LYRM4: variants seen among roughly 807,000 people sequenced by gnomAD.
LYRM4 encodes LYR motif containing 4.
Under a neutral mutation model 11.7 loss-of-function variants are expected in LYRM4, and 9 were observed. The observed-to-expected ratio is 0.77, with a 90% CI of 0.46 to 1.34. LYRM4 has a LOEUF of 1.34. LYRM4 is among the 40% of genes most tolerant of loss of function. The probability of loss-of-function intolerance (pLI) is 0.00; values close to 1 mark genes in which losing one functional copy is unlikely to be tolerated. For synonymous variants in LYRM4, 42 were observed against 40.4 expected, an observed-to-expected ratio of 1.04 and a Z score of -0.15; for missense variants, 133 against 112.5, an observed-to-expected ratio of 1.18 and a Z score of -0.82.
intron 2 of LYRM4, chr6:5,113,147 AGGTGAG>A: frequency 3.8e-6 from 1 of 265,846 alleles, no homozygotes; most frequent in Admixed American, 5.2e-5. Flanking sequence ...GTAAGAGTGC[AGGTGAG>A]GATGGGTGCA....
chr6:5,044,063 G>A, the LYRM4 span, among the ~76,000 whole-genome samples: 5 of 152,000 alleles, frequency 3.3e-5, no homozygotes, highest in East Asian at 1.9e-4. Context: ...AATCCTCTCC[G>A]TTGGCCTTAG....
intron 2 of LYRM4, among the ~76,000 whole-genome samples, chr6:5,155,261 G>A (rs1167129953): frequency 1.3e-5 from 2 of 152,098 alleles, no homozygotes; most frequent in Non-Finnish European, 2.9e-5. Flanking sequence ...TGCATTTTTA[G>A]TAGAGACGGG....
intron 2 of LYRM4, among the ~76,000 whole-genome samples, chr6:5,185,896 A>G (rs181552818): frequency 6.6e-6 from 1 of 152,264 alleles, no homozygotes; most frequent in Non-Finnish European, 1.5e-5. Context: ...GAGGGCCAGC[A>G]GACGAGACTG....
rs562309572 is a variant in LYRM4, at chr6:5,207,040, T to C, written c.207+9578A>G. Among the ~76,000 whole-genome samples, 4 of 152,284 alleles carry C rather than the reference T, an allele frequency of 2.6e-5. No homozygotes were observed. The South Asian group carries it at 8.3e-4, about 32-fold the overall frequency. On this transcript the variant is annotated intron_variant, in intron 2 of 2. Transcript: ENST00000330636. ...GAAACACTGAGTGATGACATGACTT[T>C]AGACAGAGTCAATACCACGACCAAG... is the stretch of plus-strand genomic sequence containing the variant.
At chr6:5,078,214 G>A in the LYRM4 span, among the ~76,000 whole-genome samples, 1 of 151,682 alleles carries the variant, frequency 6.6e-6, no homozygotes, top group Non-Finnish European at 1.5e-5. Context: ...GTAAGAAGGT[G>A]GGATGGCCCC....
At chr6:5,047,499 T>C in the LYRM4 span, among the ~76,000 whole-genome samples, 1 of 152,240 alleles carries the variant, frequency 6.6e-6, no homozygotes. Flanking sequence ...TCTTTCTGGT[T>C]TGTATAGGAT....
chr6:5,188,872 T>G (rs571314727), intron 2 of LYRM4, among the ~76,000 whole-genome samples: 61 of 152,318 alleles, frequency 4.0e-4, no homozygotes, highest in South Asian at 1.5e-3. Context: ...CAAGGAATCC[T>G]CTCACCTCAG....
chr6:5,245,135 T>A lies in LYRM4; in HGVS notation c.86+15513A>T, dbSNP rs866270941. Among the ~76,000 whole-genome samples the A allele has an allele frequency of 5.2e-4, 40 of 77,284 alleles. 1 individual carries two copies. The highest frequency in any genetic ancestry group is 1.2e-3 in the African/African-American group (23 of 19,326). 50.7% of individuals were successfully genotyped at this position (77,284 alleles called of 152,430 possible). On this transcript the variant is annotated intron_variant, in intron 1 of 2. Transcript: ENST00000330636. ...AAAAATATATATATATATATATATA[T>A]ATATATATATATATATATATATATA...
At chr6:5,086,552 A>G in the LYRM4 span, 4 of 1,523,270 alleles carry the variant, frequency 2.6e-6, no homozygotes, top group Non-Finnish European at 2.6e-6. Flanking sequence ...CGCCCTGCGG[A>G]CGCGCTCTGA....
intron 1 of LYRM4, among the ~76,000 whole-genome samples, chr6:5,230,762 C>A (rs547627761): frequency 6.6e-6 from 1 of 152,228 alleles, no homozygotes; most frequent in East Asian, 1.9e-4. Flanking sequence ...ATGACTTTCA[C>A]TTTATCCTTT....
chr6:5,164,757 C>T (rs1442400502), intron 2 of LYRM4, among the ~76,000 whole-genome samples: 1 of 152,056 alleles, frequency 6.6e-6, no homozygotes, highest in Non-Finnish European at 1.5e-5. Flanking sequence ...CACTTGAGGT[C>T]AGGAGTTTGA....
chr6:5,039,502 A>G, the LYRM4 span, among the ~76,000 whole-genome samples: 5 of 152,208 alleles, frequency 3.3e-5, no homozygotes, highest in Non-Finnish European at 7.3e-5. Context: ...AAGTTTTCCA[A>G]TTACAATCTA....
chr6:5,210,216 A>G (rs1481828381), intron 2 of LYRM4, among the ~76,000 whole-genome samples: 2 of 152,244 alleles, frequency 1.3e-5, no homozygotes, highest in Non-Finnish European at 2.9e-5. Context: ...AGAGTAATTC[A>G]GTCTAACATG....
At chr6:5,162,314 T>A (rs898130800) in intron 2 of LYRM4, among the ~76,000 whole-genome samples, 10 of 152,156 alleles carry the variant, frequency 6.6e-5, no homozygotes, top group African/African-American at 2.2e-4. Context: ...ACCTTATTTT[T>A]AAAAATCCCA....
rs1163267090 is a variant in LYRM4 at position 5,109,317 on chromosome 6, C to G, written c.*106G>C. ...GGTTTATCAGCTCCCACAGGACAGG[C>G]AGCGCAAAAGGCTATTGTAAGCTGG... On this transcript the variant is annotated 3_prime_UTR_variant, in exon 3 of 3. Coordinates refer to ENST00000330636, the MANE Select transcript of LYRM4 (RefSeq NM_020408.6). The G allele has an allele frequency of 6.3e-6, 10 of 1,575,698 alleles. No homozygotes were observed. Among genetic ancestry groups the G allele is most frequent in the Non-Finnish European group, 8.7e-6 (10 of 1,154,972 alleles).
chr6:5,101,946 C>CACTACATCCA (rs1762510885), downstream of LYRM4, among the ~76,000 whole-genome samples: 1 of 90,106 alleles, frequency 1.1e-5, no homozygotes, highest in African/African-American at 3.3e-5. Context: ...AACACGAAAA[C>CACTACATCCA]ACTACATCCA....
At chr6:5,165,944 G>A (rs1319061335) in intron 2 of LYRM4, among the ~76,000 whole-genome samples, 3 of 152,128 alleles carry the variant, frequency 2.0e-5, no homozygotes, top group East Asian at 1.9e-4. Context: ...ATGAAACTAC[G>A]AATTATGGAA....
At chr6:5,132,449 T>G (rs1763999998) in intron 2 of LYRM4, among the ~76,000 whole-genome samples, 1 of 152,056 alleles carries the variant, frequency 6.6e-6, no homozygotes, top group Non-Finnish European at 1.5e-5. Flanking sequence ...ACAACACACC[T>G]CCTCTGAAAG....
chr6:5,211,915 G>A (rs924319495), intron 2 of LYRM4, among the ~76,000 whole-genome samples: 8 of 152,258 alleles, frequency 5.3e-5, no homozygotes, highest in African/African-American at 1.9e-4. Flanking sequence ...AACTTCTCTG[G>A]TGCTGCATTC....
Sources: allele counts gnomAD v4.1 joint callset (sites outside exome capture counted in the v4.1 genomes callset), GRCh38; gene constraint gnomAD v4.1.1; transcripts MANE v1.5; gene names NCBI Gene and HGNC (gene_info 2026-07-23, HGNC 2026-07-21).